The following MDGA2 variants were observed in gnomAD, a reference collection of about 807,000 sequenced individuals.
MDGA2 encodes MAM domain-containing glycosylphosphatidylinositol anchor protein 2.
A neutral mutation model predicts 117.8 loss-of-function variants in MDGA2; 40 were observed. The ratio of observed to expected loss-of-function variants is 0.34; its 90% CI spans 0.26 to 0.44. MDGA2 has a LOEUF of 0.44. MDGA2 is among the 20% of genes least tolerant of loss of function. The pLI, the probability that MDGA2 is intolerant of heterozygous loss-of-function variation, is 1.00. For missense variants in MDGA2, 1,123 were observed against 1,250.6 expected (o/e 0.90, Z 1.54); for synonymous variants, 452 against 439.0 (o/e 1.03, Z -0.37).
rs1168922207 is a variant in MDGA2, at chr14:47,244,531, TTATAAA to T, written c.421-26342_421-26337del. Among the ~76,000 whole-genome samples the T allele has an allele frequency of 5.9e-5, 9 of 152,032 alleles. No homozygotes were observed. In the South Asian group the frequency reaches 8.3e-4, roughly 14 times the overall value. On this transcript the variant is annotated intron_variant, in intron 2 of 16. Coordinates refer to ENST00000399232, the MANE Select transcript of MDGA2 (RefSeq NM_001113498.3). Reference sequence around the variant, plus strand: ...CATTGAAAGAATCTCAATTATATACTTATAAATATAATTGTCTTAATTCTTCAAAAT... The same window carrying T: ...CATTGAAAGAATCTCAATTATATACTTATAATTGTCTTAATTCTTCAAAAT...
chr14:47,282,801 A>G (rs1888544187), intron 2 of MDGA2, among the ~76,000 whole-genome samples: 1 of 151,588 alleles, frequency 6.6e-6, no homozygotes, highest in Non-Finnish European at 1.5e-5. Flanking sequence ...AGAATGGACT[A>G]GCTGGGTGTG....
intron 1 of MDGA2, among the ~76,000 whole-genome samples, chr14:47,464,458 G>C (rs934790942): frequency 1.3e-5 from 2 of 151,998 alleles, no homozygotes; most frequent in African/African-American, 4.8e-5. Context: ...TGGCCCAAAA[G>C]CTCCTTTGGC....
At chr14:47,079,460 A>G (rs1447563481) in intron 6 of MDGA2, among the ~76,000 whole-genome samples, 1 of 152,144 alleles carries the variant, frequency 6.6e-6, no homozygotes. Context: ...TATTTGGGGT[A>G]CAAGCTAGAA....
chr14:47,563,430 G>A (rs1895852050), intron 1 of MDGA2, among the ~76,000 whole-genome samples: 1 of 152,034 alleles, frequency 6.6e-6, no homozygotes, highest in African/African-American at 2.4e-5. Flanking sequence ...TGTGTTAGGT[G>A]CATATATATT....
intron 2 of MDGA2, among the ~76,000 whole-genome samples, chr14:47,257,615 C>G (rs138131627): frequency 2.0e-5 from 3 of 152,094 alleles, no homozygotes; most frequent in African/African-American, 7.2e-5. Flanking sequence ...ATTACTTTAA[C>G]GCAATTTTTG....
chr14:47,529,302 C>T (rs1269007442), intron 1 of MDGA2, among the ~76,000 whole-genome samples: 1 of 152,114 alleles, frequency 6.6e-6, no homozygotes, highest in Non-Finnish European at 1.5e-5. Context: ...TCTATCCTTT[C>T]TTAGAAATTC....
chr14:47,174,926 A>C (rs1884365802), intron 3 of MDGA2, among the ~76,000 whole-genome samples: 1 of 152,190 alleles, frequency 6.6e-6, no homozygotes, highest in African/African-American at 2.4e-5. Flanking sequence ...AAAAAAAGAG[A>C]GAAGAATCAA....
intron 6 of MDGA2, among the ~76,000 whole-genome samples, chr14:47,096,098 A>G (rs986965504): frequency 6.6e-6 from 1 of 151,972 alleles, no homozygotes; most frequent in African/African-American, 2.4e-5. Context: ...CTAGCTGGTA[A>G]TGACCACATT....
At chr14:47,631,760 T>G (rs146932771) in intron 1 of MDGA2, among the ~76,000 whole-genome samples, 2,436 of 152,268 alleles carry the variant, frequency 0.016, 181 homozygotes, top group Admixed American at 0.13. Context: ...CTTAGTCACT[T>G]TGCAAGCTTC....
Position 46,855,127 on chromosome 14 carries a change from T to G in MDGA2, c.2780A>C (p.Lys927Thr), listed in dbSNP as rs1296892233. Residue 927 changes from lysine to threonine, a missense_variant, in exon 15 of 17, where the codon AAA (lysine) becomes ACA (threonine). Lys to Thr is a moderately conservative substitution (Grantham distance 78). Transcript: ENST00000399232. This position sits in a 1 kb window ranked among gnomAD's most constrained non-coding sequence, Gnocchi z 4.1. ...TGGATTCTCTATTGTTGTTTGCCCT[T>G]TCAAACGTAGATAAACATTTAAGAC... ...IGVLNVYLRLKGQTTIENPLW... is the reference protein window; with the variant it reads ...IGVLNVYLRLTGQTTIENPLW... 6.2e-7 allele frequency: 1 copy of G among 1,609,438 alleles called. No homozygotes were observed. The highest frequency in any genetic ancestry group is 8.5e-7 in the Non-Finnish European group (1 of 1,177,984).
rs36042383 is a variant in MDGA2 at position 47,351,078 on chromosome 14, A to ATT, written c.281-49530_281-49529dup. Reference sequence around the variant, plus strand: ...AGGTCAGTGCCACCAGGCCCGGCTAATTTTTTTTTTTTTTTTTGAAACGAA... The same window carrying ATT: ...AGGTCAGTGCCACCAGGCCCGGCTAATTTTTTTTTTTTTTTTTTTGAAACGAA... On this transcript the variant is annotated intron_variant, in intron 1 of 16. Transcript: ENST00000399232. Among the ~76,000 whole-genome samples the ATT allele has an allele frequency of 1.6e-4, 20 of 127,944 alleles. 1 individual carries two copies. In the South Asian group the frequency reaches 3.1e-3, roughly 20 times the overall value. The allele number at this position is 127,944 out of a possible 152,430, so 83.9% of individuals were successfully genotyped here.
intron 3 of MDGA2, among the ~76,000 whole-genome samples, chr14:47,211,264 T>A (rs1027235153): frequency 2.0e-5 from 3 of 152,142 alleles, no homozygotes; most frequent in Admixed American, 6.6e-5. Context: ...CCTACTACTC[T>A]GTTAAGAATG....
intron 1 of MDGA2, among the ~76,000 whole-genome samples, chr14:47,540,598 T>C (rs1041941613): frequency 2.8e-5 from 4 of 144,910 alleles, no homozygotes; most frequent in African/African-American, 7.5e-5. Context: ...AGGATCTTGC[T>C]CTTTCACTCA....
intron 2 of MDGA2, among the ~76,000 whole-genome samples, chr14:47,236,129 A>T (rs1886850597): frequency 6.6e-6 from 1 of 151,990 alleles, no homozygotes; most frequent in Non-Finnish European, 1.5e-5. Flanking sequence ...CGTCTCTACT[A>T]AAAATACAAA....
chr14:47,072,114 G>GA (rs1890312631), intron 6 of MDGA2, among the ~76,000 whole-genome samples: 1 of 97,154 alleles, frequency 1.0e-5, no homozygotes, highest in African/African-American at 3.5e-5. Context: ...GGGGGGGGGG[G>GA]TTTGCAGGTA....
chr14:47,069,115 T>C (rs1466849740), intron 6 of MDGA2, among the ~76,000 whole-genome samples: 2 of 152,202 alleles, frequency 1.3e-5, no homozygotes, highest in African/African-American at 4.8e-5. Flanking sequence ...ATTTGTGGCA[T>C]ATTGCTTGAT....
At chr14:46,966,974 T>C (rs1886058519) in intron 8 of MDGA2, among the ~76,000 whole-genome samples, 1 of 149,278 alleles carries the variant, frequency 6.7e-6, no homozygotes, top group African/African-American at 2.5e-5. Context: ...GAATAAAATT[T>C]TGCATTTATT....
chr14:47,000,341 A>ATT (rs1887461130), intron 8 of MDGA2, among the ~76,000 whole-genome samples: 1 of 136,630 alleles, frequency 7.3e-6, no homozygotes, highest in South Asian at 2.2e-4. Flanking sequence ...ATTTATATAT[A>ATT]TATATATACA....
intron 9 of MDGA2, among the ~76,000 whole-genome samples, chr14:46,941,442 T>C (rs1322563683): frequency 6.6e-6 from 1 of 152,180 alleles, no homozygotes; most frequent in Admixed American, 6.5e-5. Flanking sequence ...CTGTGGATTC[T>C]CTCTCCTGAC....
Sources: gnomAD v4.1 joint callset for allele counts (sites outside exome capture counted in the v4.1 genomes callset) on GRCh38, gnomAD v4.1.1 for gene constraint, Gnocchi (gnomAD v3.1) non-coding constraint, MANE v1.5 for transcripts, NCBI Gene and HGNC (gene_info 2026-07-23, HGNC 2026-07-21) for gene names.